GREB1: variants seen among roughly 807,000 people sequenced by gnomAD.
The protein encoded by GREB1 is protein GREB1.
GREB1 carries 106 observed loss-of-function variants against 200.7 expected under a neutral mutation model. That is an observed-to-expected ratio of 0.53 (90% CI 0.45 to 0.62). GREB1 has a LOEUF of 0.62. GREB1 is among the 20% of genes least tolerant of loss of function. The pLI is 0.00. For missense variants in GREB1, 2,243 were observed against 2,556.8 expected (o/e 0.88, Z 2.65); for synonymous variants, 1,132 against 1,092.4 (o/e 1.04, Z -0.72).
intron 1 of GREB1, among the ~76,000 whole-genome samples, chr2:11,525,451 T>C (rs1452290160): frequency 6.8e-6 from 1 of 147,556 alleles, no homozygotes; most frequent in Non-Finnish European, 1.5e-5. Flanking sequence ...GAGCTGAAAT[T>C]GTACCACTGC....
chr2:11,522,199 T>C (rs1417568321), intron 1 of GREB1, among the ~76,000 whole-genome samples: 1 of 152,110 alleles, frequency 6.6e-6, no homozygotes. Flanking sequence ...TAACATTAAT[T>C]CTAAATATGA....
intron 7 of GREB1, among the ~76,000 whole-genome samples, chr2:11,583,602 A>T (rs1392163579): frequency 6.6e-6 from 1 of 151,998 alleles, no homozygotes; most frequent in Non-Finnish European, 1.5e-5. Context: ...GCTCACACCT[A>T]TAATCTCGGC....
intron 17 of GREB1, among the ~76,000 whole-genome samples, chr2:11,609,308 A>G (rs1051682272): frequency 6.7e-6 from 1 of 150,348 alleles, no homozygotes. Flanking sequence ...TCTGTGGCCC[A>G]GGCTGGAGTG....
At chr2:11,581,999 T>A (rs1299091599) in intron 7 of GREB1, among the ~76,000 whole-genome samples, 3 of 152,288 alleles carry the variant, frequency 2.0e-5, no homozygotes, top group Middle Eastern at 3.4e-3. Context: ...CTGAGTCCCG[T>A]CCTCCGCAGC....
At chr2:11,491,611 T>G (rs1672774994) in intron 1 of GREB1, among the ~76,000 whole-genome samples, 1 of 152,216 alleles carries the variant, frequency 6.6e-6, no homozygotes, top group Non-Finnish European at 1.5e-5. Flanking sequence ...TATACCTCCA[T>G]TTAATCATCT....
At chr2:11,543,942 C>T (rs753759257) in intron 1 of GREB1, among the ~76,000 whole-genome samples, 3 of 152,064 alleles carry the variant, frequency 2.0e-5, no homozygotes, top group African/African-American at 4.8e-5. Context: ...AGGCAGTACA[C>T]GGAAGCTGTG....
upstream of GREB1, among the ~76,000 whole-genome samples, chr2:11,529,922 T>C (rs745957119): frequency 2.8e-4 from 42 of 152,208 alleles, no homozygotes; most frequent in Non-Finnish European, 5.6e-4. Context: ...AATATGTTTC[T>C]TAGTTTAAAA....
intron 1 of GREB1, among the ~76,000 whole-genome samples, chr2:11,519,460 T>TTTG (rs1558497860): frequency 7.0e-6 from 1 of 143,446 alleles, no homozygotes; most frequent in African/African-American, 2.6e-5. Flanking sequence ...TTTTTTTTTT[T>TTTG]TTTTTTTTTT....
chr2:11,509,058 G>A (rs982299199), intron 1 of GREB1, among the ~76,000 whole-genome samples: 39 of 151,448 alleles, frequency 2.6e-4, no homozygotes, highest in Admixed American at 8.5e-4. Flanking sequence ...TGTATTTTTA[G>A]TAGAGACGGG....
chr2:11,541,504 C>G (rs1412985378), intron 1 of GREB1, among the ~76,000 whole-genome samples: 1 of 152,092 alleles, frequency 6.6e-6, no homozygotes, highest in African/African-American at 2.4e-5. Context: ...TCTCTTCAGA[C>G]CCCCATGCAC....
chr2:11,562,626 G>GC, intron 3 of GREB1, 44 bp downstream of exon 3: 5 of 1,529,280 alleles, frequency 3.3e-6, no homozygotes, highest in Non-Finnish European at 4.4e-6. Context: ...CTGCCATGCT[G>GC]CCCGGAGGCA....
chr2:11,560,430 G>C (rs1241658179), intron 2 of GREB1, among the ~76,000 whole-genome samples: 1 of 152,172 alleles, frequency 6.6e-6, no homozygotes, highest in Non-Finnish European at 1.5e-5. Flanking sequence ...GCCGGGCATG[G>C]TGGCTCGTGC....
rs938912760 is a variant in GREB1 at position 11,633,501 on chromosome 2, T to G, written c.4991+438T>G. 2.6e-5 allele frequency among the ~76,000 whole-genome samples: 4 copies of G among 151,450 alleles called. No homozygotes were observed. The highest frequency in any genetic ancestry group is 1.3e-4 in the Admixed American group (2 of 15,182). On this transcript the variant is annotated intron_variant, in intron 28 of 32. Coordinates refer to ENST00000381486, the MANE Select transcript of GREB1 (RefSeq NM_014668.4). This position sits in a 1 kb window ranked among gnomAD's most constrained non-coding sequence, Gnocchi z 4.1. Reference sequence around the variant, plus strand: ...ATGGCGTGAACCCGGGAGGCGGAGCTTGTAGTAAGTGGAGATGGCGCCACT... The same window carrying G: ...ATGGCGTGAACCCGGGAGGCGGAGCGTGTAGTAAGTGGAGATGGCGCCACT...
At position 11,601,003 on chromosome 2, in the gene GREB1, C is replaced by T; in HGVS notation, c.2529+8C>T. On this transcript the variant is annotated splice_region_variant and intron_variant, in intron 16 of 32. Transcript: ENST00000381486. ...CCTGCCTCCTGCAGTAATGTGAGTG[C>T]CACGGGGCTGCTGGGCCCTTGTGTA... 1 of 1,601,788 alleles carries T rather than the reference C, an allele frequency of 6.2e-7. No individual in the cohort carries two copies. Among genetic ancestry groups the T allele is most frequent in the Non-Finnish European group, 8.5e-7 (1 of 1,170,254 alleles).
chr2:11,552,999 A>G (rs185342863), intron 1 of GREB1, among the ~76,000 whole-genome samples: 11,913 of 133,648 alleles, frequency 0.089, 1,178 homozygotes, highest in African/African-American at 0.28. Context: ...GACAGAGCGA[A>G]ACTCCGTCTC....
chr2:11,638,554 C>T, intron 31 of GREB1, 117 bp from the exon 32 acceptor site: 1 of 775,876 alleles, frequency 1.3e-6, no homozygotes, highest in Non-Finnish European at 2.1e-6. Context: ...TCTCTGGCCC[C>T]CCAAAAATCT....
At chr2:11,539,072 T>A (rs1231863195) in intron 1 of GREB1, among the ~76,000 whole-genome samples, 2 of 143,248 alleles carry the variant, frequency 1.4e-5, no homozygotes, top group African/African-American at 5.1e-5. Flanking sequence ...TCTTCTCTTA[T>A]GATAGGGTCT....
rs114342234 is a variant in GREB1 at position 11,589,721 on chromosome 2, A to G, written c.1345+790A>G. Among the ~76,000 whole-genome samples the G allele has an allele frequency of 5.9e-3, 896 of 152,348 alleles. 4 individuals are homozygous for G. Among genetic ancestry groups the G allele is most frequent in the Non-Finnish European group, 0.01 (698 of 68,034 alleles). On this transcript the variant is annotated intron_variant, in intron 10 of 32. Transcript: ENST00000381486. ...CAGTTGTTGCCTATTAAAGGCACAC[A>G]GTGGCTTGAGCCACTGAAGGTGGCA...
intron 17 of GREB1, 93 bp downstream of exon 17, chr2:11,602,635 A>G: frequency 9.2e-7 from 1 of 1,089,682 alleles, no homozygotes; most frequent in South Asian, 1.3e-5. Context: ...CCAGGAAGGG[A>G]GGCCTTTCCT....
Sources: gnomAD v4.1 joint callset for allele counts (sites outside exome capture counted in the v4.1 genomes callset) on GRCh38, gnomAD v4.1.1 for gene constraint, Gnocchi (gnomAD v3.1) non-coding constraint, MANE v1.5 for transcripts, NCBI Gene and HGNC (gene_info 2026-07-23, HGNC 2026-07-21) for gene names.